LRRC37B: variants seen among roughly 807,000 people sequenced by gnomAD.
The protein encoded by LRRC37B is leucine-rich repeat-containing protein 37B.
In LRRC37B, 28 loss-of-function variants were observed where a neutral mutation model predicts 98.3. The ratio of observed to expected loss-of-function variants is 0.28; its 90% CI spans 0.21 to 0.39. LRRC37B has a LOEUF of 0.39. Ranked by LOEUF, LRRC37B falls within the 10% of genes least tolerant of loss-of-function variation. The pLI is 1.00. For missense variants in LRRC37B, 938 were observed against 1,182.7 expected, an observed-to-expected ratio of 0.79 and a Z score of 3.03; for synonymous variants, 364 against 442.7, an observed-to-expected ratio of 0.82 and a Z score of 2.23.
At chr17:32,027,231 C>T (rs1013655018) in intron 2 of LRRC37B, among the ~76,000 whole-genome samples, 3 of 152,006 alleles carry the variant, frequency 2.0e-5, no homozygotes, top group Non-Finnish European at 4.4e-5. Context: ...CTTGGTGCCA[C>T]CCAGAGATGG....
At chr17:32,011,156 C>T (rs2142234531) in intron 1 of LRRC37B, among the ~76,000 whole-genome samples, 1 of 152,038 alleles carries the variant, frequency 6.6e-6, no homozygotes. Context: ...GCCACCACGC[C>T]CCGCTGATTT....
intron 2 of LRRC37B, among the ~76,000 whole-genome samples, chr17:32,025,029 C>CATT (rs1567614542): frequency 5.7e-5 from 2 of 35,246 alleles, no homozygotes; most frequent in African/African-American, 1.8e-4. Flanking sequence ...TTTTTTTCCT[C>CATT]GTTTTTTTTT....
chr17:32,036,977 T>C (rs574162682), intron 7 of LRRC37B, among the ~76,000 whole-genome samples: 2 of 51,140 alleles, frequency 3.9e-5, no homozygotes, highest in South Asian at 7.1e-4. Flanking sequence ...ATCTTCAGCA[T>C]TTTTTTTTTT....
chr17:32,023,806 A>G (rs1910869419), intron 1 of LRRC37B, among the ~76,000 whole-genome samples: 1 of 152,204 alleles, frequency 6.6e-6, no homozygotes, highest in African/African-American at 2.4e-5. Flanking sequence ...CAAGTATGCT[A>G]TTGTCCGCAG....
In LRRC37B at chr17:32,031,371, T is replaced by C. The variant is rs758232144; in HGVS notation, c.1977-7T>C. ...TTTTTTCCTTTGGCTTATGTCTTTT[T>C]TTGTAGAAATCTGGGCTGCAATTTA... On this transcript the variant is annotated splice_polypyrimidine_tract_variant and splice_region_variant and intron_variant, in intron 4 of 11. Transcript: ENST00000327564. 2 of 1,609,332 alleles carry C rather than the reference T, an allele frequency of 1.2e-6. No individual in the cohort carries two copies. Among genetic ancestry groups the C allele is most frequent in the Non-Finnish European group, 8.5e-7 (1 of 1,179,128 alleles).
intron 7 of LRRC37B, among the ~76,000 whole-genome samples, chr17:32,036,751 A>AT (rs1567617055): frequency 6.6e-6 from 1 of 152,034 alleles, no homozygotes; most frequent in Non-Finnish European, 1.5e-5. Context: ...GTAGCTTCCA[A>AT]TTTTTTGCAA....
At chr17:32,015,436 C>A (rs1910628670) in intron 1 of LRRC37B, among the ~76,000 whole-genome samples, 2 of 152,150 alleles carry the variant, frequency 1.3e-5, no homozygotes, top group Admixed American at 1.3e-4. Context: ...GGAGTATTAA[C>A]TTCTGCTGGA....
chr17:32,021,967 A>G (rs760275513), exon 1 of LRRC37B: 3 of 1,614,068 alleles, frequency 1.9e-6, no homozygotes, highest in Non-Finnish European at 2.5e-6. Context: ...ACCCTTGAAG[A>G]CATCCAGTCC....
At chr17:32,024,836 T>C (rs1347620635) in intron 2 of LRRC37B, 54 bp downstream of exon 5, 1 of 1,585,514 alleles carries the variant, frequency 6.3e-7, no homozygotes, top group African/African-American at 1.4e-5. Context: ...GTAAGATCCT[T>C]CTTGGTCCAG....
chr17:32,020,868 C>T (rs1021845691), upstream of LRRC37B: 27 of 1,185,270 alleles, frequency 2.3e-5, no homozygotes, highest in East Asian at 5.4e-5. Flanking sequence ...CACAGCAGGC[C>T]GCTGGAGTCC....
chr17:32,021,471 C>T (rs1188067455), exon 1 of LRRC37B: 1 of 1,614,210 alleles, frequency 6.2e-7, no homozygotes, highest in Non-Finnish European at 8.5e-7. Flanking sequence ...AGAGCTGCCC[C>T]TGGGGCCAGA....
intron 8 of LRRC37B, among the ~76,000 whole-genome samples, chr17:32,046,603 T>TC (rs1265104557): frequency 6.7e-6 from 1 of 150,292 alleles, no homozygotes; most frequent in African/African-American, 2.4e-5. Context: ...TTTTTTCTTT[T>TC]TTTTTTTTTT....
At chr17:32,011,117 C>T (rs1217683792) in intron 1 of LRRC37B, among the ~76,000 whole-genome samples, 1 of 151,880 alleles carries the variant, frequency 6.6e-6, no homozygotes, top group African/African-American at 2.4e-5. Flanking sequence ...CTGCCTCAGC[C>T]TCCCAAGTAG....
intron 1 of LRRC37B, among the ~76,000 whole-genome samples, chr17:32,011,748 C>T (rs568269647): frequency 2.6e-5 from 4 of 151,270 alleles, no homozygotes; most frequent in Admixed American, 6.6e-5. Context: ...TCACCTGCCT[C>T]GGCCTCCCAA....
exon 12 of LRRC37B, chr17:32,053,291 A>T: frequency 6.2e-7 from 1 of 1,611,108 alleles, no homozygotes; most frequent in Middle Eastern, 1.7e-4. Context: ...AGGGCATCAG[A>T]AAAATACAAA....
chr17:32,046,798 C>T (rs1287382996), intron 8 of LRRC37B, among the ~76,000 whole-genome samples: 2 of 152,116 alleles, frequency 1.3e-5, no homozygotes, highest in Non-Finnish European at 2.9e-5. Flanking sequence ...ATCTTTACTT[C>T]TTCCGCTGAC....
chr17:32,047,634 C>T, intron 8 of LRRC37B, 127 bp from the exon 12 acceptor site: 1 of 1,402,566 alleles, frequency 7.1e-7, no homozygotes, highest in Non-Finnish European at 1.0e-6. Context: ...TATGTTTCTC[C>T]TCTCTGAATG....
upstream of LRRC37B, among the ~76,000 whole-genome samples, chr17:32,019,568 G>A (rs1281164737): frequency 2.0e-5 from 3 of 152,060 alleles, no homozygotes; most frequent in Non-Finnish European, 4.4e-5. Context: ...TACTATTTAT[G>A]GATTTTTTTT....
chr17:32,014,610 A>G (rs1461159835), intron 1 of LRRC37B, among the ~76,000 whole-genome samples: 2 of 152,162 alleles, frequency 1.3e-5, no homozygotes, highest in African/African-American at 4.8e-5. Flanking sequence ...TTAAAACACA[A>G]ATGGTTGTTT....
Sources: allele counts gnomAD v4.1 joint callset (sites outside exome capture counted in the v4.1 genomes callset), GRCh38; gene constraint gnomAD v4.1.1; transcripts MANE v1.5; gene names NCBI Gene and HGNC (gene_info 2026-07-23, HGNC 2026-07-21).